The following ARHGAP18 variants were observed in gnomAD, a reference collection of about 807,000 sequenced individuals.
ARHGAP18 encodes Rho GTPase activating protein 18.
In ARHGAP18, 67 loss-of-function variants were observed where a neutral mutation model predicts 86.2. The observed-to-expected ratio is 0.78, with a 90% CI of 0.64 to 0.95. The LOEUF is 0.95. Ranked by LOEUF, ARHGAP18 falls within the 40% of genes least tolerant of loss-of-function variation. The pLI, the probability that ARHGAP18 is intolerant of heterozygous loss-of-function variation, is 0.00. For synonymous variants in ARHGAP18, 283 were observed against 280.4 expected, an observed-to-expected ratio of 1.01 and a Z score of -0.09; for missense variants, 691 against 780.4, an observed-to-expected ratio of 0.89 and a Z score of 1.37.
chr6:129,705,518 T>G (rs1169078395), intron 1 of ARHGAP18, among the ~76,000 whole-genome samples: 2 of 152,222 alleles, frequency 1.3e-5, no homozygotes, highest in African/African-American at 4.8e-5. Flanking sequence ...AGGATGATAT[T>G]TCCAAGGTCT....
intron 1 of ARHGAP18, among the ~76,000 whole-genome samples, chr6:129,683,803 A>G (rs538280959): frequency 1.3e-5 from 2 of 152,338 alleles, no homozygotes; most frequent in South Asian, 4.1e-4. Flanking sequence ...GAATGAGAAC[A>G]CCATCAAGAA....
At chr6:129,586,872 ATC>A (rs1287393777) in intron 12 of ARHGAP18, among the ~76,000 whole-genome samples, 4 of 151,898 alleles carry the variant, frequency 2.6e-5, no homozygotes, top group African/African-American at 9.7e-5. Flanking sequence ...CCTCCCAAAT[ATC>A]TCTCTGCTAA....
intron 1 of ARHGAP18, among the ~76,000 whole-genome samples, chr6:129,695,290 T>G (rs537937116): frequency 6.6e-6 from 1 of 152,324 alleles, no homozygotes; most frequent in South Asian, 2.1e-4. Context: ...ACTCATCGCT[T>G]GCTAACTGCA....
intron 9 of ARHGAP18, among the ~76,000 whole-genome samples, chr6:129,606,798 A>G (rs1400890422): frequency 6.6e-6 from 1 of 152,086 alleles, no homozygotes; most frequent in Admixed American, 6.6e-5. Flanking sequence ...AAACCATCTC[A>G]ATATTGTATG....
chr6:129,584,199 C>T (rs1038375387), intron 12 of ARHGAP18, 87 bp from the exon 13 acceptor site: 2 of 1,528,068 alleles, frequency 1.3e-6, no homozygotes, highest in South Asian at 1.3e-5. Context: ...GTGTGCTTAA[C>T]TACTACGCAT....
intron 1 of ARHGAP18, among the ~76,000 whole-genome samples, chr6:129,705,843 A>T (rs1774793927): frequency 6.6e-6 from 1 of 152,104 alleles, no homozygotes; most frequent in Non-Finnish European, 1.5e-5. Flanking sequence ...TAGAGAGATA[A>T]CTCCTCCAAG....
intron 1 of ARHGAP18, among the ~76,000 whole-genome samples, chr6:129,697,252 T>C (rs1460522149): frequency 6.6e-6 from 1 of 152,190 alleles, no homozygotes; most frequent in Non-Finnish European, 1.5e-5. Context: ...CGACCCCATC[T>C]TGCATGATAA....
chr6:129,599,165 TA>T (rs755014075), intron 12 of ARHGAP18, 50 bp downstream of exon 12: 13 of 1,083,310 alleles, frequency 1.2e-5, no homozygotes, highest in South Asian at 5.8e-5. Flanking sequence ...ATTTTGGTAT[TA>T]AAAAAATACT....
At chr6:129,691,198 AC>A (rs1303401875) in intron 1 of ARHGAP18, among the ~76,000 whole-genome samples, 2 of 152,158 alleles carry the variant, frequency 1.3e-5, no homozygotes, top group African/African-American at 4.8e-5. Context: ...CCAAACAGTC[AC>A]CTCCAACATA....
rs559640011 is a variant in ARHGAP18, at chr6:129,628,844, A to C, written c.786+509T>G. On this transcript the variant is annotated intron_variant, in intron 5 of 14. Coordinates refer to ENST00000368149, the MANE Select transcript of ARHGAP18 (RefSeq NM_033515.3). ...GGAGTGGAAAAGAGAGAAGCTATAAAGAACAATATTGTGACAATCGGGGAA... is the reference window on the plus strand; with the variant it reads ...GGAGTGGAAAAGAGAGAAGCTATAACGAACAATATTGTGACAATCGGGGAA... Among the ~76,000 whole-genome samples, 12 of 152,324 alleles carry C rather than the reference A, an allele frequency of 7.9e-5. No individual in the cohort carries two copies. The South Asian group carries it at 2.3e-3, about 29-fold the overall frequency.
chr6:129,661,021 TA>T (rs34750408), intron 1 of ARHGAP18, among the ~76,000 whole-genome samples: 35,859 of 121,452 alleles, frequency 0.3, 4,484 homozygotes, highest in Middle Eastern at 0.39. Context: ...ACAAAACCTT[TA>T]AAAAAAAAAA....
rs1788255938 is a variant in ARHGAP18, at chr6:129,580,099, ACTT to A, written c.1868_1870del (p.Glu623del). Reference sequence around the variant, plus strand: ...ATTTCCTCCAATTTCATACAAAAAAACTTCTCCTTTCTTGAGAGTCTGGGCAAC... The same window carrying A: ...ATTTCCTCCAATTTCATACAAAAAAACTCCTTTCTTGAGAGTCTGGGCAAC... On this transcript the variant is annotated inframe_deletion, in exon 14 of 15. Coordinates refer to ENST00000368149, the MANE Select transcript of ARHGAP18 (RefSeq NM_033515.3). 1.2e-6 allele frequency: 2 copies of A among 1,613,846 alleles called. No homozygotes were observed. The highest frequency in any genetic ancestry group is 1.7e-6 in the Non-Finnish European group (2 of 1,179,834).
chr6:129,689,768 C>A (rs1478064257), intron 1 of ARHGAP18, among the ~76,000 whole-genome samples: 1 of 152,184 alleles, frequency 6.6e-6, no homozygotes, highest in East Asian at 1.9e-4. Context: ...TATATTGACA[C>A]CTTTCTGTTC....
At chr6:129,685,707 T>C (rs1774411863) in intron 1 of ARHGAP18, among the ~76,000 whole-genome samples, 1 of 152,118 alleles carries the variant, frequency 6.6e-6, no homozygotes, top group Non-Finnish European at 1.5e-5. Context: ...CTGATCACGG[T>C]GATCACTTGA....
At chr6:129,664,069 C>G (rs756799030) in intron 1 of ARHGAP18, among the ~76,000 whole-genome samples, 31 of 152,262 alleles carry the variant, frequency 2.0e-4, no homozygotes, top group Non-Finnish European at 4.4e-4. Context: ...CCAATCCCAT[C>G]TGAAAGCTAT....
chr6:129,631,244 ACT>A (rs1386185272), intron 4 of ARHGAP18, among the ~76,000 whole-genome samples: 2 of 152,054 alleles, frequency 1.3e-5, no homozygotes, highest in Non-Finnish European at 2.9e-5. Flanking sequence ...TTTCAAAACT[ACT>A]CTTTCTTCTC....
At chr6:129,657,264 G>A (rs1183239366) in intron 1 of ARHGAP18, among the ~76,000 whole-genome samples, 2 of 152,078 alleles carry the variant, frequency 1.3e-5, no homozygotes, top group East Asian at 3.9e-4. Context: ...TTCTTTTTAA[G>A]AAAGGCTTTG....
chr6:129,709,284 A>G (rs1017398948), intron 1 of ARHGAP18, among the ~76,000 whole-genome samples: 1 of 151,988 alleles, frequency 6.6e-6, no homozygotes, highest in African/African-American at 2.4e-5. Flanking sequence ...TTAAGGAGAG[A>G]AAGAAAAAAA....
intron 1 of ARHGAP18, among the ~76,000 whole-genome samples, chr6:129,665,969 A>G (rs746132745): frequency 3.9e-5 from 6 of 152,096 alleles, no homozygotes; most frequent in Non-Finnish European, 7.3e-5. Flanking sequence ...ACAGAAATCA[A>G]CTCTGATATC....
Sources: gnomAD v4.1 joint callset for allele counts (sites outside exome capture counted in the v4.1 genomes callset) on GRCh38, gnomAD v4.1.1 for gene constraint, MANE v1.5 for transcripts, NCBI Gene and HGNC (gene_info 2026-07-23, HGNC 2026-07-21) for gene names.